The following PODNL1 variants were observed in gnomAD, a reference collection of about 807,000 sequenced individuals.
PODNL1 encodes the protein podocan-like protein 1.
In PODNL1, 50 loss-of-function variants were observed where a neutral mutation model predicts 45.1. The observed-to-expected ratio is 1.11, with a 90% CI of 0.88 to 1.40. PODNL1 has a LOEUF of 1.40. Ranked by LOEUF, PODNL1 falls within the 40% of genes most tolerant of loss-of-function variation. The pLI is 0.00. For missense variants in PODNL1, 788 were observed against 793.3 expected, an observed-to-expected ratio of 0.99 and a Z score of 0.08; for synonymous variants, 406 against 372.5, an observed-to-expected ratio of 1.09 and a Z score of -1.04.
Position 13,933,381 on chromosome 19 carries a change from G to A in PODNL1, c.842C>T (p.Thr281Ile). 1 of 1,607,594 alleles carries A rather than the reference G, an allele frequency of 6.2e-7. No homozygotes were observed. Among genetic ancestry groups the A allele is most frequent in the Non-Finnish European group, 8.5e-7 (1 of 1,178,806 alleles). ...GCGGCCCAGGTGCAGGATAGCCAGG[G>A]TCCGGGGCAGGCCGGCGGGCACTGT... The part of the protein sequence containing the change: ...LTTVPAGLPR[T>I]LAILHLGRNR... Residue 281 changes from threonine to isoleucine, a missense_variant, in exon 8 of 10, where the codon ACC (threonine) becomes ATC (isoleucine). Transcript: ENST00000588872. The surrounding 1 kb of genome is among the most constrained non-coding windows in gnomAD (Gnocchi z 5.2).
chr19:13,940,615 G>A (rs1287660657), upstream of PODNL1, among the ~76,000 whole-genome samples: 1 of 149,544 alleles, frequency 6.7e-6, no homozygotes, highest in African/African-American at 2.5e-5. Flanking sequence ...AGGCGCGGTA[G>A]CTCACACCTG....
chr19:13,950,608 T>C (rs567671801), intron 1 of PODNL1, among the ~76,000 whole-genome samples: 5 of 152,252 alleles, frequency 3.3e-5, no homozygotes, highest in Non-Finnish European at 7.3e-5. Flanking sequence ...GGGTCCGTGA[T>C]GTCAGTATGA....
At position 13,933,904 on chromosome 19, in the gene PODNL1, G is replaced by A. The variant is rs1972140079; in HGVS notation, c.741C>T (p.Asp247=). Residue 247 remains aspartate, a synonymous_variant, in exon 7 of 10, where the codon GAC becomes GAT. Transcript: ENST00000588872. This position sits in a 1 kb window ranked among gnomAD's most constrained non-coding sequence, Gnocchi z 5.2. Reference sequence around the variant, plus strand: ...TGAAGGTGGTGGCATCCAGGCCACTGTCTGTCAGCTGGTTGTGCTGGAGGT... The same window carrying A: ...TGAAGGTGGTGGCATCCAGGCCACTATCTGTCAGCTGGTTGTGCTGGAGGT... ...ELYLQHNQLT[D]SGLDATTFSK... 6.2e-7 allele frequency: 1 copy of A among 1,611,186 alleles called. No homozygotes were observed. Among genetic ancestry groups the A allele is most frequent in the Non-Finnish European group, 8.5e-7 (1 of 1,178,892 alleles).
upstream of PODNL1, among the ~76,000 whole-genome samples, chr19:13,941,118 CACTTTGG>C (rs1349121248): frequency 6.6e-6 from 1 of 152,090 alleles, no homozygotes; most frequent in Non-Finnish European, 1.5e-5. Flanking sequence ...GTAATCCCAG[CACTTTGG>C]GAGGCCAAGG....
upstream of PODNL1, among the ~76,000 whole-genome samples, chr19:13,940,407 T>TA (rs1972616562): frequency 6.8e-6 from 1 of 146,280 alleles, no homozygotes; most frequent in African/African-American, 2.5e-5. Context: ...CCATCTCTAC[T>TA]AAAAATACAA....
At chr19:13,936,574 A>T in intron 2 of PODNL1, 114 bp from the exon 3 acceptor site, 5 of 761,654 alleles carry the variant, frequency 6.6e-6, no homozygotes, top group Non-Finnish European at 1.1e-5. Context: ...CATCACCCCC[A>T]CAGTTAATCC....
chr19:13,942,195 A>C (rs562590013), upstream of PODNL1, among the ~76,000 whole-genome samples: 2 of 152,294 alleles, frequency 1.3e-5, no homozygotes, highest in Admixed American at 1.3e-4. Context: ...AAGGGCATTT[A>C]CTGGCTCATG....
intron 1 of PODNL1, among the ~76,000 whole-genome samples, chr19:13,952,160 A>C (rs1261686560): frequency 6.6e-6 from 1 of 152,220 alleles, no homozygotes; most frequent in East Asian, 1.9e-4. Flanking sequence ...CGCCCCGCCC[A>C]AGGGCCTGGA....
intron 1 of PODNL1, among the ~76,000 whole-genome samples, chr19:13,950,570 T>G (rs909923707): frequency 3.9e-5 from 6 of 152,204 alleles, no homozygotes; most frequent in African/African-American, 1.4e-4. Context: ...ATCAGACAGT[T>G]ACAAATGTCC....
upstream of PODNL1, among the ~76,000 whole-genome samples, chr19:13,939,021 G>T (rs973047867): frequency 1.3e-5 from 2 of 152,166 alleles, no homozygotes; most frequent in African/African-American, 4.8e-5. Context: ...GTGGATGGGG[G>T]TGACAAGCTG....
At chr19:13,934,448 C>T (rs1192985252) in intron 5 of PODNL1, 38 bp from the exon 6 acceptor site, 40 of 1,463,292 alleles carry the variant, frequency 2.7e-5, no homozygotes, top group Admixed American at 5.3e-5. Flanking sequence ...GCCTGCCCCT[C>T]GCCTCCTACC....
At chr19:13,934,535 AT>A in intron 5 of PODNL1, 125 bp from the exon 6 acceptor site, 1 of 843,180 alleles carries the variant, frequency 1.2e-6, no homozygotes, top group African/African-American at 1.8e-5. Context: ...GTGCGCGCGC[AT>A]GTGTGGAGTC....
rs369602527 is a variant in PODNL1, at chr19:13,933,473, C to T, written c.768-18G>A. The T allele has an allele frequency of 1.9e-5, 29 of 1,543,836 alleles. No individual in the cohort carries two copies. Among genetic ancestry groups the T allele is most frequent in the Non-Finnish European group, 2.3e-5 (26 of 1,147,694 alleles). On this transcript the variant is annotated intron_variant, in intron 7 of 9. Transcript: ENST00000588872. The surrounding 1 kb of genome is among the most constrained non-coding windows in gnomAD (Gnocchi z 5.2). Reference sequence around the variant, plus strand: ...GCAGCTTGCTGGAAGGAGAGAGGGTCGGTGTTAGGTGGGGCACTTGGAGTG... The same window carrying T: ...GCAGCTTGCTGGAAGGAGAGAGGGTTGGTGTTAGGTGGGGCACTTGGAGTG...
upstream of PODNL1, among the ~76,000 whole-genome samples, chr19:13,938,963 A>C (rs2145445665): frequency 6.6e-6 from 1 of 152,176 alleles, no homozygotes; most frequent in East Asian, 1.9e-4. Flanking sequence ...GATTATACGA[A>C]GTGTGCATTC....
At chr19:13,950,459 C>T (rs911281590) in intron 1 of PODNL1, among the ~76,000 whole-genome samples, 2 of 152,156 alleles carry the variant, frequency 1.3e-5, no homozygotes, top group African/African-American at 2.4e-5. Flanking sequence ...CATGAGCCAC[C>T]GCACCTGGCC....
At chr19:13,938,431 C>A, upstream of PODNL1, 1 of 1,300,102 alleles carries the variant, frequency 7.7e-7, no homozygotes, top group Non-Finnish European at 9.8e-7. Flanking sequence ...CCCTTGGTCC[C>A]CCCCAACAAC....
upstream of PODNL1, among the ~76,000 whole-genome samples, chr19:13,942,755 G>T (rs573648042): frequency 5.9e-5 from 9 of 151,708 alleles, no homozygotes; most frequent in Admixed American, 5.9e-4. Flanking sequence ...AGGCAGAGAC[G>T]GGCAGATCAT....
At chr19:13,945,087 G>GT (rs1249919287) in intron 1 of PODNL1, among the ~76,000 whole-genome samples, 6 of 151,918 alleles carry the variant, frequency 3.9e-5, no homozygotes, top group Non-Finnish European at 8.8e-5. Context: ...GTTTTATTTT[G>GT]TTTTTTAAGA....
intron 1 of PODNL1, chr19:13,953,098 A>G: frequency 6.4e-7 from 1 of 1,550,492 alleles, no homozygotes; most frequent in Non-Finnish European, 8.7e-7. Flanking sequence ...CCGACCACAC[A>G]TGAGCTGGGA....
Sources: allele counts gnomAD v4.1 joint callset (sites outside exome capture counted in the v4.1 genomes callset), GRCh38; gene constraint gnomAD v4.1.1; non-coding constraint Gnocchi (gnomAD v3.1); transcripts MANE v1.5; gene names NCBI Gene and HGNC (gene_info 2026-07-23, HGNC 2026-07-21).